Variants in SLC28A1 observed in about 807,000 individuals in gnomAD.
SLC28A1 encodes sodium/nucleoside cotransporter 1.
In SLC28A1, 64 loss-of-function variants were observed where a neutral mutation model predicts 74.8. The observed-to-expected ratio is 0.86, with a 90% CI of 0.70 to 1.05. SLC28A1 has a LOEUF of 1.05. Ranked by LOEUF, SLC28A1 falls within the 50% of genes least tolerant of loss-of-function variation. SLC28A1 has a pLI of 0.00. For missense variants in SLC28A1, 828 were observed against 822.8 expected (o/e 1.01, Z -0.08); for synonymous variants, 359 against 335.0 (o/e 1.07, Z -0.78).
chr15:84,940,428 A>G (rs996157662), intron 15 of SLC28A1: 1 of 152,482 alleles, frequency 6.6e-6, no homozygotes, highest in African/African-American at 2.4e-5. Flanking sequence ...ATTTTAATTT[A>G]TTTCTTTAAA....
At chr15:84,904,567 A>G (rs1484588211) in intron 7 of SLC28A1, among the ~76,000 whole-genome samples, 2 of 152,090 alleles carry the variant, frequency 1.3e-5, no homozygotes, top group Admixed American at 1.3e-4. Context: ...ACAGGCCAGA[A>G]CTCCAGCCTG....
chr15:84,968,077 G>C, the SLC28A1 span, among the ~76,000 whole-genome samples: 1 of 152,234 alleles, frequency 6.6e-6, no homozygotes, highest in Admixed American at 6.5e-5. Context: ...CATAGTTTAG[G>C]GGATTTCTGA....
Position 84,945,580 on chromosome 15 carries a change from C to G in SLC28A1, c.*380C>G. The stretch of plus-strand genomic sequence containing the variant: ...GTGGGCTGCACACCAAAGCCTCCTC[C>G]CCTCCCCACTTCCTAGGCACTAGGA... On this transcript the variant is annotated 3_prime_UTR_variant, in exon 19 of 19. Transcript: ENST00000394573. 3.1e-6 allele frequency: 1 copy of G among 317,952 alleles called. No individual in the cohort carries two copies. The highest frequency in any genetic ancestry group is 6.1e-6 in the Non-Finnish European group (1 of 163,016). 19.7% of individuals were successfully genotyped at this position (317,952 alleles called of 1,614,324 possible). A position where few individuals can be genotyped will look rare whatever the true frequency, so the allele number is the denominator to read the frequency against.
intron 3 of SLC28A1, among the ~76,000 whole-genome samples, chr15:84,888,270 CA>C (rs1964842695): frequency 6.6e-6 from 1 of 152,170 alleles, no homozygotes; most frequent in African/African-American, 2.4e-5. Context: ...GGTCGAGGCA[CA>C]CCACCCAGAA....
chr15:84,924,192 G>A, intron 12 of SLC28A1, 82 bp downstream of exon 12: 1 of 1,490,886 alleles, frequency 6.7e-7, no homozygotes, highest in Non-Finnish European at 9.3e-7. Context: ...CTCCTGGCCA[G>A]AGCAGCCCTC....
chr15:84,906,520 G>GTTTCTTTCTTTCTTTC (rs1399584550), intron 8 of SLC28A1, among the ~76,000 whole-genome samples: 6 of 54,182 alleles, frequency 1.1e-4, no homozygotes, highest in South Asian at 7.1e-4. Flanking sequence ...TTGTTTGTTT[G>GTTTCTTTCTTTCTTTC]TTTGTTTGTT....
intron 4 of SLC28A1, among the ~76,000 whole-genome samples, chr15:84,889,511 G>C (rs1446715723): frequency 6.6e-6 from 1 of 152,102 alleles, no homozygotes; most frequent in African/African-American, 2.4e-5. Context: ...AGGAGGTGAG[G>C]CTCCTTAAAA....
At chr15:84,922,742 C>A (rs911969422) in intron 11 of SLC28A1, among the ~76,000 whole-genome samples, 2 of 152,336 alleles carry the variant, frequency 1.3e-5, no homozygotes, top group Non-Finnish European at 2.9e-5. Context: ...AGGCGGCTCC[C>A]CCGCGCCCAT....
Position 84,898,375 on chromosome 15 carries a change from C to G in SLC28A1, c.461+3252C>G, listed in dbSNP as rs560775087. On this transcript the variant is annotated intron_variant, in intron 6 of 18. Transcript: ENST00000394573. ...GGGTAGATCACGAGGTCAGGAGATCCTGACCATCCTGGCTAACATGGTGAA... is the reference window on the plus strand; with the variant it reads ...GGGTAGATCACGAGGTCAGGAGATCGTGACCATCCTGGCTAACATGGTGAA... Among the ~76,000 whole-genome samples, 561 of 152,110 alleles carry G rather than the reference C, an allele frequency of 3.7e-3. 7 individuals are homozygous for G. The highest frequency in any genetic ancestry group is 6.4e-3 in the Non-Finnish European group (433 of 67,984).
intron 5 of SLC28A1, 37 bp downstream of exon 5, chr15:84,890,571 A>ACTC: frequency 6.7e-7 from 1 of 1,497,050 alleles, no homozygotes; most frequent in African/African-American, 1.4e-5. Flanking sequence ...GGACACAATG[A>ACTC]CTCCTGCCTC....
At chr15:84,939,340 G>A (rs1282185504) in intron 15 of SLC28A1, among the ~76,000 whole-genome samples, 1 of 151,718 alleles carries the variant, frequency 6.6e-6, no homozygotes, top group African/African-American at 2.4e-5. Context: ...ACAGAGAGAA[G>A]GAAGCAAGAA....
chr15:84,936,244 T>TTTTGTTTTGG (rs1555456196), intron 15 of SLC28A1, among the ~76,000 whole-genome samples: 1 of 147,080 alleles, frequency 6.8e-6, no homozygotes, highest in Non-Finnish European at 1.5e-5. Context: ...CGCCCGGCTG[T>TTTTGTTTTGG]TTTGGTTTGG....
At chr15:84,908,912 G>A (rs1967717968) in intron 9 of SLC28A1, 117 bp downstream of exon 9, 8 of 840,566 alleles carry the variant, frequency 9.5e-6, no homozygotes, top group South Asian at 4.2e-5. Flanking sequence ...TGTGGGCAGA[G>A]GTCGCCGTAC....
chr15:84,914,585 G>T (rs536965716), intron 9 of SLC28A1, among the ~76,000 whole-genome samples: 1 of 152,142 alleles, frequency 6.6e-6, no homozygotes, highest in African/African-American at 2.4e-5. Context: ...GTGAAGTGGC[G>T]ACAGTTACAT....
chr15:84,895,806 TCTATTTCA>T, intron 6 of SLC28A1: 1 of 1,156,608 alleles, frequency 8.6e-7, no homozygotes, highest in South Asian at 2.1e-5. Flanking sequence ...AGACCACCAG[TCTATTTCA>T]ATACTCTATT....
downstream of SLC28A1, among the ~76,000 whole-genome samples, chr15:84,947,017 T>C (rs2079255699): frequency 6.6e-6 from 1 of 152,218 alleles, no homozygotes. Context: ...GGTGGAGCCC[T>C]GGCCAGCAGT....
intron 15 of SLC28A1, among the ~76,000 whole-genome samples, chr15:84,942,367 T>C (rs1357771177): frequency 6.6e-6 from 1 of 152,234 alleles, no homozygotes; most frequent in Non-Finnish European, 1.5e-5. Context: ...TATAAAATAT[T>C]AGCTCTTATT....
At chr15:84,891,115 G>C (rs1047770556) in intron 5 of SLC28A1, among the ~76,000 whole-genome samples, 6 of 152,168 alleles carry the variant, frequency 3.9e-5, no homozygotes, top group African/African-American at 1.4e-4. Context: ...CTCAAGGCCA[G>C]AGAGAGCCAC....
At chr15:84,887,702 G>A (rs937397670) in intron 2 of SLC28A1, 43 bp from the exon 3 acceptor site, 67 of 1,595,146 alleles carry the variant, frequency 4.2e-5, no homozygotes, top group Admixed American at 6.7e-5. Flanking sequence ...GGCCCTGCCC[G>A]GCCTCCCTTT....
Sources: gnomAD v4.1 joint callset for allele counts (sites outside exome capture counted in the v4.1 genomes callset) on GRCh38, gnomAD v4.1.1 for gene constraint, MANE v1.5 for transcripts, NCBI Gene and HGNC (gene_info 2026-07-23, HGNC 2026-07-21) for gene names.